Variants in TENM4 observed in about 807,000 individuals in gnomAD.
TENM4 encodes the protein teneurin-4.
Under a neutral mutation model 243.3 loss-of-function variants are expected in TENM4, and 82 were observed. That is an observed-to-expected ratio of 0.34 (90% confidence interval 0.28 to 0.40). TENM4 has a LOEUF of 0.40. TENM4 is among the 10% of genes least tolerant of loss of function. The pLI, the probability that TENM4 is intolerant of heterozygous loss-of-function variation, is 1.00. For missense variants in TENM4, 3,138 were observed against 3,673.3 expected (o/e 0.85, Z 3.77); for synonymous variants, 1,412 against 1,456.3 (o/e 0.97, Z 0.69).
At chr11:79,417,324 C>T (rs1858838319) in intron 1 of TENM4, among the ~76,000 whole-genome samples, 1 of 152,192 alleles carries the variant, frequency 6.6e-6, no homozygotes. Flanking sequence ...CAGCCAGCCT[C>T]TTTGGACTTC....
At chr11:78,663,276 T>C (rs1222157942) in intron 32 of TENM4, among the ~76,000 whole-genome samples, 1 of 152,254 alleles carries the variant, frequency 6.6e-6, no homozygotes, top group East Asian at 1.9e-4. Flanking sequence ...AGGCTGATTA[T>C]GGCTTCTTTC....
At chr11:79,332,695 C>A (rs1220538867) in intron 1 of TENM4, among the ~76,000 whole-genome samples, 1 of 152,126 alleles carries the variant, frequency 6.6e-6, no homozygotes, top group East Asian at 1.9e-4. Context: ...AGACTAAGAG[C>A]TTAAGTAGAC....
At chr11:79,137,133 A>C (rs766218180) in intron 4 of TENM4, among the ~76,000 whole-genome samples, 3 of 152,088 alleles carry the variant, frequency 2.0e-5, no homozygotes, top group Non-Finnish European at 4.4e-5. Flanking sequence ...GCTGGCCTAG[A>C]GGTTTTAGTT....
chr11:79,252,226 C>T (rs1162360280), intron 2 of TENM4, among the ~76,000 whole-genome samples: 5 of 152,236 alleles, frequency 3.3e-5, no homozygotes, highest in South Asian at 2.1e-4. Context: ...AAGGATGCTG[C>T]GAAGAAGTTC....
chr11:79,019,650 T>C (rs1291079585), intron 6 of TENM4, among the ~76,000 whole-genome samples: 1 of 152,230 alleles, frequency 6.6e-6, no homozygotes, highest in East Asian at 1.9e-4. Flanking sequence ...CTATGCACTG[T>C]GTTCTATACC....
chr11:79,268,093 G>A (rs1855910452), intron 2 of TENM4, among the ~76,000 whole-genome samples: 1 of 152,102 alleles, frequency 6.6e-6, no homozygotes, highest in East Asian at 1.9e-4. Context: ...AAATTGCCAG[G>A]GAAAAGCACA....
Position 78,965,872 on chromosome 11 carries a change from G to A in TENM4, c.494-62349C>T, listed in dbSNP as rs561936158. On this transcript the variant is annotated intron_variant, in intron 6 of 33. Transcript: ENST00000278550. ...CTTCCTCTTAGTCATTGGCAACTTTGAATTTAAGTGGTTTCCAAGGTAGGG... is the reference window on the plus strand; with the variant it reads ...CTTCCTCTTAGTCATTGGCAACTTTAAATTTAAGTGGTTTCCAAGGTAGGG... Among the ~76,000 whole-genome samples, 11 of 152,336 alleles carry A rather than the reference G, an allele frequency of 7.2e-5. No homozygotes were observed. The East Asian group carries it at 1.9e-3, about 27-fold the overall frequency.
intron 4 of TENM4, among the ~76,000 whole-genome samples, chr11:79,123,480 AG>A (rs1861788454): frequency 6.6e-6 from 1 of 152,146 alleles, no homozygotes; most frequent in Non-Finnish European, 1.5e-5. Flanking sequence ...CAGAGGAAAA[AG>A]GCCCTACATT....
rs115424351 is a variant in TENM4, at chr11:79,086,328, A to G, written c.-65-16319T>C. Among the ~76,000 whole-genome samples, 499 of 152,364 alleles carry G rather than the reference A, an allele frequency of 3.3e-3. 12 individuals carry two copies. In the South Asian group the frequency reaches 0.051, roughly 16 times the overall value. On this transcript the variant is annotated intron_variant, in intron 4 of 33. Coordinates refer to ENST00000278550, the MANE Select transcript of TENM4 (RefSeq NM_001098816.3). ...AACACCCGGTAGATTATAGCCACAC[A>G]GGTGAACCCAGGGGAGACTAGCTGA...
chr11:78,818,839 T>C (rs1857663317), intron 12 of TENM4, among the ~76,000 whole-genome samples: 1 of 152,150 alleles, frequency 6.6e-6, no homozygotes, highest in Non-Finnish European at 1.5e-5. Flanking sequence ...TTAGATCTGC[T>C]TGGATCCAAA....
intron 26 of TENM4, 21 bp from the exon 27 acceptor site, chr11:78,708,536 A>G (rs1859312924): frequency 1.2e-6 from 2 of 1,611,668 alleles, no homozygotes; most frequent in Non-Finnish European, 1.7e-6. Flanking sequence ...AGAAGCCAAA[A>G]CAGGAACTCA....
chr11:79,178,671 AGGATAGCGG>A (rs1863220995), intron 3 of TENM4, among the ~76,000 whole-genome samples: 1 of 152,184 alleles, frequency 6.6e-6, no homozygotes, highest in Admixed American at 6.5e-5. Flanking sequence ...CAGTGTTGGA[AGGATAGCGG>A]GGAGAAAGGT....
At chr11:78,926,700 A>G (rs1324822871) in intron 6 of TENM4, among the ~76,000 whole-genome samples, 1 of 148,466 alleles carries the variant, frequency 6.7e-6, no homozygotes, top group African/African-American at 2.5e-5. Flanking sequence ...TCTGCCACAG[A>G]GGCATAGCTT....
rs79994646 is a variant in TENM4 at position 78,688,033 on chromosome 11, C to A, written c.5260+21G>T. 2.4e-3 allele frequency: 3,947 copies of A among 1,612,050 alleles called. 100 individuals carry two copies. The African/African-American group carries it at 0.048, about 20-fold the overall frequency. On this transcript the variant is annotated intron_variant, in intron 29 of 33. Transcript: ENST00000278550. ...TTCCCACCCCTCTGCCTCAAAGTCC[C>A]CTGGCCCCCACCTGACTTACCTTGC...
intron 4 of TENM4, among the ~76,000 whole-genome samples, chr11:79,147,692 C>G (rs1862419178): frequency 6.6e-6 from 1 of 151,966 alleles, no homozygotes; most frequent in African/African-American, 2.4e-5. Flanking sequence ...TTCTATGTAC[C>G]AGGTACTAGG....
At chr11:78,748,633 T>C (rs1856110009) in intron 19 of TENM4, among the ~76,000 whole-genome samples, 1 of 152,162 alleles carries the variant, frequency 6.6e-6, no homozygotes, top group Non-Finnish European at 1.5e-5. Context: ...CAATGTTGGC[T>C]CTGCTATTAC....
At chr11:78,912,732 A>C (rs1396293842) in intron 6 of TENM4, among the ~76,000 whole-genome samples, 1 of 152,232 alleles carries the variant, frequency 6.6e-6, no homozygotes, top group East Asian at 1.9e-4. Flanking sequence ...AGTTTTGGCA[A>C]CTGCCAGAGA....
intron 1 of TENM4, among the ~76,000 whole-genome samples, chr11:79,396,258 G>A (rs1485282264): frequency 1.3e-5 from 2 of 152,094 alleles, no homozygotes; most frequent in Non-Finnish European, 2.9e-5. Flanking sequence ...GTCCAATTAG[G>A]CATTTTTTAA....
At chr11:79,343,822 C>A (rs1857281531) in intron 1 of TENM4, among the ~76,000 whole-genome samples, 1 of 152,196 alleles carries the variant, frequency 6.6e-6, no homozygotes. Flanking sequence ...TTTGGGTGAA[C>A]TCTGAGAGCT....
Sources: gnomAD v4.1 joint callset for allele counts (sites outside exome capture counted in the v4.1 genomes callset) on GRCh38, gnomAD v4.1.1 for gene constraint, MANE v1.5 for transcripts, NCBI Gene and HGNC (gene_info 2026-07-23, HGNC 2026-07-21) for gene names.